The following CSMD1 variants were observed in gnomAD, a reference collection of about 807,000 sequenced individuals.
CSMD1 encodes the protein CUB and sushi domain-containing protein 1.
Under a neutral mutation model 417.5 loss-of-function variants are expected in CSMD1, and 213 were observed. That is an observed-to-expected ratio of 0.51 (90% CI 0.46 to 0.57). The LOEUF (loss-of-function observed/expected upper bound fraction) is 0.57. CSMD1 is among the 20% of genes least tolerant of loss of function. The probability of loss-of-function intolerance (pLI) is 0.00; values close to 1 mark genes in which losing one functional copy is unlikely to be tolerated. For synonymous variants in CSMD1, 2,862 were observed against 1,736.8 expected, an observed-to-expected ratio of 1.65 and a Z score of -16.11; for missense variants, 6,923 against 4,529.7, an observed-to-expected ratio of 1.53 and a Z score of -15.17.
At chr8:3,396,402 T>C in intron 16 of CSMD1, 21 bp from the exon 17 acceptor site, 1 of 1,518,264 alleles carries the variant, frequency 6.6e-7, no homozygotes, top group Non-Finnish European at 8.8e-7. Context: ...ATACATCCCA[T>C]CAGAAAAGAC....
At chr8:4,322,283 G>C (rs10112705) in intron 3 of CSMD1, among the ~76,000 whole-genome samples, 1 of 152,066 alleles carries the variant, frequency 6.6e-6, no homozygotes, top group African/African-American at 2.4e-5. Context: ...AGTGAGACCT[G>C]AATTCAATTT....
chr8:3,734,034 T>C (rs1197636785), intron 6 of CSMD1, among the ~76,000 whole-genome samples: 2 of 148,458 alleles, frequency 1.3e-5, no homozygotes, highest in East Asian at 3.9e-4. Context: ...GTGAATAAAC[T>C]CAGGAAGAAA....
chr8:4,942,248 C>G (rs536438125), intron 1 of CSMD1, among the ~76,000 whole-genome samples: 2 of 152,178 alleles, frequency 1.3e-5, no homozygotes, highest in South Asian at 4.2e-4. Context: ...TTTCCCTGTT[C>G]TGAAATCACT....
intron 3 of CSMD1, among the ~76,000 whole-genome samples, chr8:4,068,056 G>A (rs559241161): frequency 5.3e-5 from 8 of 152,044 alleles, no homozygotes; most frequent in Non-Finnish European, 1.0e-4. Flanking sequence ...ACTCCAGCCT[G>A]GCGACAGAGG....
chr8:4,263,202 T>C (rs181381931), intron 3 of CSMD1, among the ~76,000 whole-genome samples: 80 of 152,152 alleles, frequency 5.3e-4, no homozygotes, highest in African/African-American at 1.7e-3. Flanking sequence ...TGTATTCTAG[T>C]ATTCGAGGGC....
intron 3 of CSMD1, among the ~76,000 whole-genome samples, chr8:4,321,908 C>T (rs534215723): frequency 6.6e-6 from 1 of 151,768 alleles, no homozygotes; most frequent in Non-Finnish European, 1.5e-5. Context: ...TAGACTTTTG[C>T]CTTTTATTAC....
chr8:3,693,126 A>G (rs1041304818), intron 7 of CSMD1, among the ~76,000 whole-genome samples: 3 of 152,180 alleles, frequency 2.0e-5, no homozygotes, highest in Non-Finnish European at 4.4e-5. Flanking sequence ...ATAGATACCA[A>G]TAGATAGTCA....
At chr8:3,372,088 A>G (rs1809991850) in intron 18 of CSMD1, among the ~76,000 whole-genome samples, 1 of 152,236 alleles carries the variant, frequency 6.6e-6, no homozygotes, top group Non-Finnish European at 1.5e-5. Flanking sequence ...ATATTGGCAG[A>G]TGACACATGA....
intron 5 of CSMD1, among the ~76,000 whole-genome samples, chr8:3,868,751 C>A (rs1170897537): frequency 6.6e-6 from 1 of 152,188 alleles, no homozygotes; most frequent in Non-Finnish European, 1.5e-5. Context: ...CAACCCACAT[C>A]CAACACATCA....
chr8:3,103,018 G>T (rs1312493364), intron 46 of CSMD1, among the ~76,000 whole-genome samples: 1 of 152,126 alleles, frequency 6.6e-6, no homozygotes, highest in African/African-American at 2.4e-5. Flanking sequence ...GACAAAACAA[G>T]ACTAATCACC....
chr8:3,618,346 A>T (rs1277237759), intron 7 of CSMD1, among the ~76,000 whole-genome samples: 4 of 152,314 alleles, frequency 2.6e-5, no homozygotes, highest in South Asian at 2.1e-4. Flanking sequence ...AATTTGGGTA[A>T]CATAATCCTT....
chr8:3,409,591 C>A lies in CSMD1; in HGVS notation c.1576G>T (p.Gly526Trp). Residue 526 changes from glycine (G) to tryptophan (W), a missense_variant, in exon 13 of 70, where the codon GGG becomes TGG. Coordinates refer to ENST00000635120, the MANE Select transcript of CSMD1 (RefSeq NM_033225.6). ...KAVYQEIEKG[G>W]CGDPGIPAYG... The stretch of plus-strand genomic sequence containing the variant: ...GCGGGGATTCCAGGATCCCCACACC[C>A]TCCCTTTTCAATTTCTGAAAATGGA... 1 of 1,589,830 alleles carries A rather than the reference C, an allele frequency of 6.3e-7. No homozygotes were observed. Among genetic ancestry groups the A allele is most frequent in the Non-Finnish European group, 8.6e-7 (1 of 1,166,020 alleles).
rs371664508 is a variant in CSMD1, at chr8:3,142,635, T to A, written c.6071A>T (p.Asn2024Ile). ...IQFLNFSTEA[N>I]HDFLEIQNGP... is the part of the protein sequence containing the mutation. ...ATTTTGAATTTCAAGGAAGTCATGA[T>A]TAGCTTCGGTAGAAAAATTCAGAAA... is the stretch of plus-strand genomic sequence containing the variant. The change falls in exon 41 of 70, where the codon AAT becomes ATT. Residue 2024 changes from asparagine (N) to isoleucine (I), a missense_variant. Transcript: ENST00000635120. The A allele has an allele frequency of 2.5e-6, 4 of 1,614,006 alleles. No individual in the cohort carries two copies. Among genetic ancestry groups the A allele is most frequent in the Non-Finnish European group, 2.5e-6 (3 of 1,179,874 alleles).
intron 4 of CSMD1, among the ~76,000 whole-genome samples, chr8:4,021,502 C>T (rs1006326883): frequency 3.3e-5 from 5 of 152,148 alleles, no homozygotes; most frequent in African/African-American, 1.2e-4. Flanking sequence ...ACATCCCCAG[C>T]ATCGTCCTCA....
intron 5 of CSMD1, among the ~76,000 whole-genome samples, chr8:3,914,332 T>C (rs1383040116): frequency 8.5e-5 from 13 of 152,224 alleles, no homozygotes; most frequent in South Asian, 2.1e-4. Context: ...GAATGGGGCC[T>C]AGAGGGTATC....
intron 5 of CSMD1, among the ~76,000 whole-genome samples, chr8:3,904,915 G>A (rs1354551051): frequency 1.3e-5 from 2 of 152,060 alleles, no homozygotes; most frequent in East Asian, 1.9e-4. Flanking sequence ...GAGATTACAG[G>A]TGTGAGCCAC....
chr8:4,123,884 G>C (rs1256262811), intron 3 of CSMD1, among the ~76,000 whole-genome samples: 3 of 152,164 alleles, frequency 2.0e-5, no homozygotes, highest in East Asian at 1.9e-4. Flanking sequence ...AGGGTTGTAT[G>C]TGATTCCTGA....
intron 5 of CSMD1, among the ~76,000 whole-genome samples, chr8:3,872,450 G>T (rs1461208267): frequency 6.6e-6 from 1 of 152,122 alleles, no homozygotes; most frequent in South Asian, 2.1e-4. Flanking sequence ...GAAGCCCACT[G>T]TGCAAATGAA....
At position 3,628,032 on chromosome 8, in the gene CSMD1, T is replaced by C. The variant is rs181091390; in HGVS notation, c.1010-11235A>G. ...CTATGTAAAAGATTCAAAAGGGCAA[T>C]GTAATATAAAGCAGATTAAAAAACA... is the stretch of plus-strand genomic sequence containing the variant. On this transcript the variant is annotated intron_variant, in intron 7 of 69. Transcript: ENST00000635120. Among the ~76,000 whole-genome samples the C allele has an allele frequency of 1.3e-4, 20 of 152,252 alleles. No homozygotes were observed. In the East Asian group the frequency reaches 3.1e-3, roughly 24 times the overall value.
Sources: gnomAD v4.1 joint callset for allele counts (sites outside exome capture counted in the v4.1 genomes callset) on GRCh38, gnomAD v4.1.1 for gene constraint, MANE v1.5 for transcripts, NCBI Gene and HGNC (gene_info 2026-07-23, HGNC 2026-07-21) for gene names.